ACSL5: variants seen among roughly 807,000 people sequenced by gnomAD.
ACSL5 encodes long-chain-fatty-acid--CoA ligase 5.
A neutral mutation model predicts 84.9 loss-of-function variants in ACSL5; 50 were observed. The ratio of observed to expected loss-of-function variants is 0.59; its 90% CI spans 0.47 to 0.75. The LOEUF (loss-of-function observed/expected upper bound fraction) is 0.75. ACSL5 is among the 30% of genes least tolerant of loss of function. The probability of loss-of-function intolerance (pLI) is 0.00; values close to 1 mark genes in which losing one functional copy is unlikely to be tolerated. For synonymous variants in ACSL5, 280 were observed against 300.7 expected (o/e 0.93, Z 0.71); for missense variants, 775 against 830.4 (o/e 0.93, Z 0.82).
intron 1 of ACSL5, among the ~76,000 whole-genome samples, chr10:112,377,736 C>T (rs1849268842): frequency 6.6e-6 from 1 of 151,994 alleles, no homozygotes; most frequent in Middle Eastern, 3.2e-3. Flanking sequence ...ATTTTATAGC[C>T]ATCTTTTGTG....
At chr10:112,426,466 A>G (rs11598016) in intron 19 of ACSL5, 107 bp downstream of exon 19, 20,631 of 904,192 alleles carry the variant, frequency 0.023, 293 homozygotes, top group Non-Finnish European at 0.028. Context: ...GCCCAAACAG[A>G]CTGAATAGTT....
intron 2 of ACSL5, among the ~76,000 whole-genome samples, chr10:112,395,449 C>T (rs917394335): frequency 3.3e-4 from 50 of 152,086 alleles, no homozygotes; most frequent in Admixed American, 1.8e-3. Context: ...TCCCACAAAG[C>T]CTAAAGTGTT....
At chr10:112,411,840 A>G (rs1185789429) in intron 10 of ACSL5, 62 bp from the exon 11 acceptor site, 4 of 1,472,750 alleles carry the variant, frequency 2.7e-6, no homozygotes, top group Non-Finnish European at 3.8e-6. Context: ...TAAAATCTCC[A>G]TTGGAATTGA....
At chr10:112,378,232 T>G (rs1387597734) in intron 1 of ACSL5, among the ~76,000 whole-genome samples, 3 of 82,694 alleles carry the variant, frequency 3.6e-5, no homozygotes, top group Admixed American at 1.4e-4. Flanking sequence ...TTCTTGTTTT[T>G]TTTTTTTTTT....
intron 1 of ACSL5, among the ~76,000 whole-genome samples, chr10:112,384,659 C>T (rs184672868): frequency 5.9e-5 from 9 of 152,204 alleles, no homozygotes; most frequent in East Asian, 1.9e-4. Context: ...CGGCATGCAC[C>T]GCCAAGCGAG....
Position 112,413,192 on chromosome 10 carries a change from G to C in ACSL5, c.968G>C (p.Gly323Ala). The change falls in exon 12 of 21, where the codon GGA becomes GCA. Residue 323 changes from glycine (G) to alanine (A), a missense_variant. By Grantham distance (60) the Gly-to-Ala change is moderately conservative. Coordinates refer to ENST00000354655, the MANE Select transcript of ACSL5 (RefSeq NM_203379.2). ...TTTCAGGCTGTTGTGTACAGCTGTGGAGCCAGAGTTGGATTCTTCCAAGGG... is the reference window on the plus strand; with the variant it reads ...TTTCAGGCTGTTGTGTACAGCTGTGCAGCCAGAGTTGGATTCTTCCAAGGG... ...RIVQAVVYSCGARVGFFQGDI... is the reference protein window; with the variant it reads ...RIVQAVVYSCAARVGFFQGDI... 6.2e-7 allele frequency: 1 copy of C among 1,614,154 alleles called. No individual in the cohort carries two copies. Among genetic ancestry groups the C allele is most frequent in the East Asian group, 2.2e-5 (1 of 44,890 alleles).
In ACSL5 at chr10:112,410,515, A is replaced by G; in HGVS notation, c.744+20A>G. 1.2e-6 allele frequency: 2 copies of G among 1,614,182 alleles called. No homozygotes were observed. The highest frequency in any genetic ancestry group is 1.7e-6 in the Non-Finnish European group (2 of 1,180,022). The stretch of plus-strand genomic sequence containing the variant: ...CCTGTGGTAAGTTTTCTTCTGCCTG[A>G]ATTTGAGCCTTGCCATAGTCAACTC... On this transcript the variant is annotated intron_variant, in intron 8 of 20. Coordinates refer to ENST00000354655, the MANE Select transcript of ACSL5 (RefSeq NM_203379.2).
intron 3 of ACSL5, among the ~76,000 whole-genome samples, chr10:112,401,822 T>A (rs1377028496): frequency 8.7e-6 from 1 of 115,474 alleles, no homozygotes; most frequent in African/African-American, 2.9e-5. Flanking sequence ...CTTTCTTTCT[T>A]TCTTTCTTTC....
At chr10:112,417,777 C>G (rs1844352329) in intron 13 of ACSL5, 69 bp from the exon 14 acceptor site, 11 of 1,238,380 alleles carry the variant, frequency 8.9e-6, no homozygotes, top group Non-Finnish European at 1.3e-5. Flanking sequence ...CTATTATACC[C>G]ACTCTACAGT....
At position 112,412,091 on chromosome 10, in the gene ACSL5, G is replaced by A. The variant is rs1043046051; in HGVS notation, c.948+112G>A. ...TTACTGTTCTTTCTCCGGTGTGAGA[G>A]GTGCAGGCAAGGAGTTGGCTCATGG... On this transcript the variant is annotated intron_variant, in intron 11 of 20. Coordinates refer to ENST00000354655, the MANE Select transcript of ACSL5 (RefSeq NM_203379.2). 35 of 1,152,136 alleles carry A rather than the reference G, an allele frequency of 3.0e-5. 1 individual carries two copies. The highest frequency in any genetic ancestry group is 2.1e-4 in the East Asian group (9 of 42,370). The allele number at this position is 1,152,136 out of a possible 1,614,324, so 71.4% of individuals were successfully genotyped here.
chr10:112,401,358 T>C (rs1392332307), intron 3 of ACSL5, among the ~76,000 whole-genome samples: 2 of 152,272 alleles, frequency 1.3e-5, no homozygotes, highest in African/African-American at 2.4e-5. Context: ...TTAGGTTCAC[T>C]GAATTAAATT....
intron 14 of ACSL5, among the ~76,000 whole-genome samples, chr10:112,418,247 G>C (rs1255416476): frequency 6.6e-6 from 1 of 152,152 alleles, no homozygotes; most frequent in East Asian, 1.9e-4. Context: ...GCAAGAGTTA[G>C]GATTGCCTAC....
intron 1 of ACSL5, among the ~76,000 whole-genome samples, chr10:112,384,921 C>A (rs1350691156): frequency 6.6e-6 from 1 of 152,064 alleles, no homozygotes. Context: ...ATATTTTTTT[C>A]TTTCTCCCTG....
chr10:112,378,224 CTTGTTTTTTTTTTTT>C (rs1849279224), intron 1 of ACSL5, among the ~76,000 whole-genome samples: 1 of 86,644 alleles, frequency 1.2e-5, no homozygotes, highest in Non-Finnish European at 2.2e-5. Flanking sequence ...TCTTCTTCTT[CTTGTTTTTTTTTTTT>C]TTTTTTTTTT....
At chr10:112,382,967 A>G (rs1156715545) in intron 1 of ACSL5, among the ~76,000 whole-genome samples, 1 of 152,094 alleles carries the variant, frequency 6.6e-6, no homozygotes, top group African/African-American at 2.4e-5. Context: ...CTCGGCGGAG[A>G]TGATAAGAAG....
intron 14 of ACSL5, among the ~76,000 whole-genome samples, chr10:112,420,218 C>G (rs976399753): frequency 6.6e-6 from 1 of 152,154 alleles, no homozygotes; most frequent in African/African-American, 2.4e-5. Flanking sequence ...AAGCCTTCCT[C>G]TCTCTCCCAA....
At chr10:112,383,569 C>T (rs547656634) in intron 1 of ACSL5, among the ~76,000 whole-genome samples, 1 of 152,362 alleles carries the variant, frequency 6.6e-6, no homozygotes, top group South Asian at 2.1e-4. Context: ...AAGGTTTCCA[C>T]CCACAGAGCT....
At chr10:112,399,760 C>T (rs908386791) in intron 3 of ACSL5, among the ~76,000 whole-genome samples, 1 of 152,216 alleles carries the variant, frequency 6.6e-6, no homozygotes, top group African/African-American at 2.4e-5. Flanking sequence ...TCATAGCCAA[C>T]TCCTGTCAAG....
intron 12 of ACSL5, among the ~76,000 whole-genome samples, chr10:112,414,784 A>AT (rs1457193821): frequency 6.6e-6 from 1 of 152,036 alleles, no homozygotes; most frequent in Non-Finnish European, 1.5e-5. Flanking sequence ...TTCTCACCCA[A>AT]TTCTTAGAGT....
Sources: allele counts gnomAD v4.1 joint callset (sites outside exome capture counted in the v4.1 genomes callset), GRCh38; gene constraint gnomAD v4.1.1; transcripts MANE v1.5; gene names NCBI Gene and HGNC (gene_info 2026-07-23, HGNC 2026-07-21).